CLCN1: variants seen among roughly 807,000 people sequenced by gnomAD.
CLCN1 encodes chloride voltage-gated channel 1, also known as chloride channel protein 1.
A neutral mutation model predicts 114.5 loss-of-function variants in CLCN1; 100 were observed. The ratio of observed to expected loss-of-function variants is 0.87; its 90% CI spans 0.74 to 1.03. The LOEUF is 1.03. Among genes scored for constraint, CLCN1 ranks in the 50% least tolerant of loss-of-function variants. CLCN1 has a pLI of 0.00. For synonymous variants in CLCN1, 485 were observed against 487.1 expected (o/e 1.00, Z 0.06); for missense variants, 1,188 against 1,250.0 (o/e 0.95, Z 0.75).
chr7:143,318,477 G>T (rs1029060372), intron 1 of CLCN1, among the ~76,000 whole-genome samples: 1 of 152,100 alleles, frequency 6.6e-6, no homozygotes, highest in Non-Finnish European at 1.5e-5. Flanking sequence ...CCCATCTCAG[G>T]CTCCTAAAGT....
At chr7:143,334,806 T>A (rs575782177) in intron 12 of CLCN1, among the ~76,000 whole-genome samples, 1 of 152,366 alleles carries the variant, frequency 6.6e-6, no homozygotes, top group South Asian at 2.1e-4. Flanking sequence ...ATTAATTTAA[T>A]CCCTTTAAAA....
intron 7 of CLCN1, among the ~76,000 whole-genome samples, chr7:143,326,012 G>T (rs55893042): frequency 0.13 from 19,183 of 146,568 alleles, 1,522 homozygotes; most frequent in Middle Eastern, 0.22. Flanking sequence ...TGTTTTTTTT[G>T]TTTGTTTGTT....
intron 12 of CLCN1, among the ~76,000 whole-genome samples, chr7:143,335,416 C>T (rs1174513119): frequency 6.6e-6 from 1 of 152,176 alleles, no homozygotes; most frequent in Non-Finnish European, 1.5e-5. Flanking sequence ...TATTTACGAA[C>T]ATAAAACCAT....
intron 16 of CLCN1, 66 bp from the exon 17 acceptor site, chr7:143,345,455 G>T (rs1803203622): frequency 6.8e-7 from 1 of 1,472,090 alleles, no homozygotes; most frequent in Non-Finnish European, 9.0e-7. Flanking sequence ...CTTCTCAGGA[G>T]TGCGGAGCGC....
At chr7:143,351,563 TA>T (rs2064748639) in intron 22 of CLCN1, 30 bp from the exon 23 acceptor site, 1 of 1,612,462 alleles carries the variant, frequency 6.2e-7, no homozygotes, top group African/African-American at 1.3e-5. Flanking sequence ...TCCAACTTTT[TA>T]CCCTCTTTTC....
At chr7:143,335,948 C>T (rs1802873548) in intron 12 of CLCN1, among the ~76,000 whole-genome samples, 1 of 152,094 alleles carries the variant, frequency 6.6e-6, no homozygotes, top group Non-Finnish European at 1.5e-5. Flanking sequence ...GCGTGAGCCA[C>T]CGCACCTGGC....
At position 143,339,304 on chromosome 7, in the gene CLCN1, A is replaced by G. The variant is rs146457619; in HGVS notation, c.1453A>G (p.Met485Val). 974 of 1,613,142 alleles carry G rather than the reference A, an allele frequency of 6.0e-4. 1 individual carries two copies. The highest frequency in any genetic ancestry group is 7.6e-4 in the Non-Finnish European group (891 of 1,179,054). ...TTMPIPCGGF[M>V]PVFVLGAAFG... ...TATGCCCATACCCTGCGGAGGCTTC[A>G]TGCCTGTGTTTGTGCTAGGTAAGTT... is the stretch of plus-strand genomic sequence containing the variant. Residue 485 changes from methionine to valine, a missense_variant, in exon 13 of 23, where the codon ATG (methionine) becomes GTG (valine). Coordinates refer to ENST00000343257, the MANE Select transcript of CLCN1 (RefSeq NM_000083.3). This position sits in a 1 kb window ranked among gnomAD's most constrained non-coding sequence, Gnocchi z 4.1.
At chr7:143,337,793 T>C (rs1387756546) in intron 12 of CLCN1, among the ~76,000 whole-genome samples, 1 of 147,778 alleles carries the variant, frequency 6.8e-6, no homozygotes, top group Non-Finnish European at 1.5e-5. Flanking sequence ...TTTTTTCCAT[T>C]CTATTTCTCA....
At chr7:143,345,889 G>A in intron 17 of CLCN1, 127 bp downstream of exon 17, 5 of 1,369,166 alleles carry the variant, frequency 3.7e-6, no homozygotes, top group Non-Finnish European at 5.0e-6. Flanking sequence ...AGAGGGAGGG[G>A]AGAGTCTGGT....
chr7:143,332,488 A>G lies in CLCN1; in HGVS notation c.1236A>G (p.Gln412=), dbSNP rs2116854694. The part of the protein sequence containing the change: ...ASFTFPPGMG[Q]FMAGELMPRE... ...TCACCTTCCCACCAGGAATGGGTCA[A>G]TTCATGGCTGGAGAGGTCAGCTGTT... is the stretch of plus-strand genomic sequence containing the variant. Residue 412 remains glutamine (Q), a synonymous_variant, in exon 11 of 23, where the codon CAA becomes CAG. Coordinates refer to ENST00000343257, the MANE Select transcript of CLCN1 (RefSeq NM_000083.3). 1.9e-6 allele frequency: 3 copies of G among 1,613,932 alleles called. No individual in the cohort carries two copies. The highest frequency in any genetic ancestry group is 1.7e-5 in the Admixed American group (1 of 60,034).
intron 16 of CLCN1, among the ~76,000 whole-genome samples, chr7:143,342,931 T>TA (rs201619687): frequency 0.044 from 6,481 of 145,844 alleles, 456 homozygotes; most frequent in African/African-American, 0.15. Context: ...GAAACTCTGT[T>TA]AAAAAAAAAA....
rs917405018 is a variant in CLCN1 at position 143,346,388 on chromosome 7, G to T, written c.2284+137G>T. On this transcript the variant is annotated intron_variant, in intron 18 of 22. Coordinates refer to ENST00000343257, the MANE Select transcript of CLCN1 (RefSeq NM_000083.3). ...GGCTGGGGGATTGAGGGAGGACAGG[G>T]TTCTTATTCATCAATTCTCCTTGTT... The T allele has an allele frequency of 9.4e-6, 7 of 748,630 alleles. No homozygotes were observed. The African/African-American group carries it at 1.2e-4, about 13-fold the overall frequency. 46.4% of individuals were successfully genotyped at this position (748,630 alleles called of 1,614,324 possible). A position where few individuals can be genotyped will look rare whatever the true frequency, so the allele number is the denominator to read the frequency against.
Position 143,324,507 on chromosome 7 carries a change from C to T in CLCN1, c.853+15C>T. 6.2e-7 allele frequency: 1 copy of T among 1,603,630 alleles called. No individual in the cohort carries two copies. Among genetic ancestry groups the T allele is most frequent in the East Asian group, 2.2e-5 (1 of 44,828 alleles). On this transcript the variant is annotated intron_variant, in intron 7 of 22. Coordinates refer to ENST00000343257, the MANE Select transcript of CLCN1 (RefSeq NM_000083.3). The surrounding 1 kb of genome is among the most constrained non-coding windows in gnomAD (Gnocchi z 4.6). Reference sequence around the variant, plus strand: ...ACCACTTGGAGGCAAGTGATTGACCCCCTCCCCCATCAATCGGCTTGCCTG... The same window carrying T: ...ACCACTTGGAGGCAAGTGATTGACCTCCTCCCCCATCAATCGGCTTGCCTG...
rs762094361 is a variant in CLCN1, at chr7:143,342,380, C to A, written c.1805C>A (p.Thr602Asn). 11 of 1,614,016 alleles carry A rather than the reference C, an allele frequency of 6.8e-6. No individual in the cohort carries two copies. Among genetic ancestry groups the A allele is most frequent in the African/African-American group, 6.7e-5 (5 of 74,896 alleles). The part of the protein sequence containing the change: ...DLGWNQLSKY[T>N]IFVEDIMVRD... ...GCTTTCTCCCTCCATAGCAAATATA[C>A]CATCTTTGTTGAGGACATCATGGTA... The change falls in exon 16 of 23, where the codon ACC (threonine) becomes AAC (asparagine). Residue 602 changes from threonine to asparagine, a missense_variant. By Grantham distance (65) the Thr-to-Asn change is moderately conservative. Transcript: ENST00000343257.
chr7:143,321,813 G>T lies in CLCN1; in HGVS notation c.661G>T (p.Ala221Ser), dbSNP rs1802445536. 6.2e-7 allele frequency: 1 copy of T among 1,614,128 alleles called. No individual in the cohort carries two copies. Among genetic ancestry groups the T allele is most frequent in the African/African-American group, 1.3e-5 (1 of 74,946 alleles). Reference protein sequence around the residue: ...AFVAKVVALTAGLGSGIPVGK... With the variant: ...AFVAKVVALTSGLGSGIPVGK... Reference sequence around the variant, plus strand: ...TGTGGCCAAGGTTGTCGCCCTGACTGCGGGCCTGGGCAGTGGCATCCCCGT... The same window carrying T: ...TGTGGCCAAGGTTGTCGCCCTGACTTCGGGCCTGGGCAGTGGCATCCCCGT... The change falls in exon 5 of 23, where the codon GCG becomes TCG. Residue 221 changes from alanine (A) to serine (S), a missense_variant. By Grantham distance (99) the Ala-to-Ser change is moderately conservative. Coordinates refer to ENST00000343257, the MANE Select transcript of CLCN1 (RefSeq NM_000083.3). The surrounding 1 kb of genome is among the most constrained non-coding windows in gnomAD (Gnocchi z 4.2).
intron 5 of CLCN1, among the ~76,000 whole-genome samples, chr7:143,322,675 A>G (rs975352783): frequency 2.6e-5 from 4 of 152,172 alleles, no homozygotes; most frequent in African/African-American, 9.7e-5. Flanking sequence ...GGCACACGCC[A>G]CCACATCTGG....
At chr7:143,338,793 C>CA (rs535268770) in intron 12 of CLCN1, among the ~76,000 whole-genome samples, 4,599 of 77,486 alleles carry the variant, frequency 0.059, 294 homozygotes, top group African/African-American at 0.21. Context: ...GACCCTGTCT[C>CA]AAAAAAAAAA....
chr7:143,345,960 G>A (rs918988329), intron 17 of CLCN1, among the ~76,000 whole-genome samples, 180 bp from the exon 18 acceptor site: 1 of 152,032 alleles, frequency 6.6e-6, no homozygotes, highest in African/African-American at 2.4e-5. Context: ...CTGGGTCCAG[G>A]GACTAAAGAA....
At chr7:143,333,282 C>CA (rs1802780056) in intron 12 of CLCN1, among the ~76,000 whole-genome samples, 1 of 146,606 alleles carries the variant, frequency 6.8e-6, no homozygotes, top group Admixed American at 7.0e-5. Context: ...GCCTGGGTGA[C>CA]AGAGTGTGAT....
Sources: gnomAD v4.1 joint callset for allele counts (sites outside exome capture counted in the v4.1 genomes callset) on GRCh38, gnomAD v4.1.1 for gene constraint, Gnocchi (gnomAD v3.1) non-coding constraint, MANE v1.5 for transcripts, NCBI Gene and HGNC (gene_info 2026-07-23, HGNC 2026-07-21) for gene names.